Variants in PLXNA4 observed in about 807,000 individuals in gnomAD.
The protein encoded by PLXNA4 is plexin-A4.
In PLXNA4, 44 loss-of-function variants were observed where a neutral mutation model predicts 191.8. The ratio of observed to expected loss-of-function variants is 0.23; its 90% CI spans 0.18 to 0.29. The LOEUF (loss-of-function observed/expected upper bound fraction) is 0.29, where lower values mean the gene tolerates loss of function less well. PLXNA4 is among the 10% of genes least tolerant of loss of function. PLXNA4 has a pLI of 1.00. For missense variants in PLXNA4, 1,800 were observed against 2,488.8 expected, an observed-to-expected ratio of 0.72 and a Z score of 5.89; for synonymous variants, 1,082 against 1,009.5, an observed-to-expected ratio of 1.07 and a Z score of -1.36.
rs1316679645 is a variant in PLXNA4 at position 132,180,726 on chromosome 7, T to A, written c.3499A>T (p.Asn1167Tyr). Residue 1167 changes from asparagine (N) to tyrosine (Y), a missense_variant, in exon 19 of 32, where the codon AAC becomes TAC. Transcript: ENST00000321063. ...PGTPIILKGK[N>Y]LIPPVAGGNV... ...CCCCCAGCCACAGGCGGGATCAGGT[T>A]CTTGCCCTGTACAAATGGGAAAGCA... 15 of 1,613,910 alleles carry A rather than the reference T, an allele frequency of 9.3e-6. No individual in the cohort carries two copies. Among genetic ancestry groups the A allele is most frequent in the Non-Finnish European group, 1.2e-5 (14 of 1,179,898 alleles).
chr7:132,187,655 G>T, intron 14 of PLXNA4, 48 bp from the exon 15 acceptor site: 1 of 1,568,130 alleles, frequency 6.4e-7, no homozygotes. Context: ...AGGGGTGGAG[G>T]AGGCTTCTGG....
intron 2 of PLXNA4, among the ~76,000 whole-genome samples, chr7:132,588,639 G>GGGAAGGGAAGGGAAC (rs1802545863): frequency 1.3e-5 from 1 of 75,360 alleles, no homozygotes; most frequent in Admixed American, 1.2e-4. Context: ...AAGGAAGGAA[G>GGGAAGGGAAGGGAAC]GGAAGGGAAG....
chr7:132,461,185 TACA>T lies in PLXNA4; in HGVS notation c.1371+28104_1371+28106del, dbSNP rs1262433118. On this transcript the variant is annotated intron_variant, in intron 3 of 31. Coordinates refer to ENST00000321063, the MANE Select transcript of PLXNA4 (RefSeq NM_020911.2). ...TGGCTTTGAGGCCACATGGTCTCTG[TACA>T]ACAAGGCTTCCCTAAATAGAAACAA... is the stretch of plus-strand genomic sequence containing the variant. 5.3e-5 allele frequency among the ~76,000 whole-genome samples: 8 copies of T among 152,302 alleles called. 1 individual carries two copies. Among genetic ancestry groups the T allele is most frequent in the Admixed American group, 5.2e-4 (8 of 15,302 alleles).
At chr7:132,322,085 T>C (rs532200065) in intron 3 of PLXNA4, among the ~76,000 whole-genome samples, 37 of 152,086 alleles carry the variant, frequency 2.4e-4, no homozygotes, top group African/African-American at 8.7e-4. Flanking sequence ...CAGAGAAATC[T>C]GGAAATCTTT....
intron 3 of PLXNA4, among the ~76,000 whole-genome samples, chr7:132,391,140 G>A (rs1301727172): frequency 6.6e-6 from 1 of 152,210 alleles, no homozygotes; most frequent in Non-Finnish European, 1.5e-5. Flanking sequence ...CCAGCCAGGA[G>A]GACGGAAGGG....
At chr7:132,449,110 T>C (rs1796022214) in intron 3 of PLXNA4, among the ~76,000 whole-genome samples, 1 of 152,192 alleles carries the variant, frequency 6.6e-6, no homozygotes, top group Non-Finnish European at 1.5e-5. Context: ...AATTAGCTGG[T>C]TGGCTGGCTG....
At chr7:132,430,269 A>C (rs1004088201) in intron 3 of PLXNA4, among the ~76,000 whole-genome samples, 1 of 152,174 alleles carries the variant, frequency 6.6e-6, no homozygotes, top group South Asian at 2.1e-4. Flanking sequence ...TCAAGTCTCT[A>C]TGCGGTTAGT....
At chr7:132,430,785 G>T (rs1299114063) in intron 3 of PLXNA4, among the ~76,000 whole-genome samples, 1 of 152,212 alleles carries the variant, frequency 6.6e-6, no homozygotes, top group Non-Finnish European at 1.5e-5. Context: ...TCTGAGCAAA[G>T]ATGGTTGGGT....
chr7:132,514,244 G>T (rs1039875382), intron 1 of PLXNA4, among the ~76,000 whole-genome samples: 7 of 150,964 alleles, frequency 4.6e-5, no homozygotes, highest in African/African-American at 1.5e-4. Context: ...GTAGAGACGG[G>T]GTTTCACCAT....
At chr7:132,289,451 G>T (rs933510404) in intron 4 of PLXNA4, among the ~76,000 whole-genome samples, 1 of 152,198 alleles carries the variant, frequency 6.6e-6, no homozygotes, top group Admixed American at 6.5e-5. Flanking sequence ...TTTCTTCATG[G>T]TTGTATTCCC....
chr7:132,521,844 T>C (rs1799200724), intron 1 of PLXNA4, among the ~76,000 whole-genome samples: 1 of 152,196 alleles, frequency 6.6e-6, no homozygotes, highest in South Asian at 2.1e-4. Flanking sequence ...CCAGGGCTGC[T>C]GACATAACAG....
intron 3 of PLXNA4, among the ~76,000 whole-genome samples, chr7:132,442,861 T>G (rs886401606): frequency 6.6e-5 from 10 of 152,178 alleles, no homozygotes; most frequent in South Asian, 2.1e-4. Flanking sequence ...GATCAGTTTT[T>G]GGGGCTGGCA....
At chr7:132,133,367 G>T (rs1411490463) in intron 30 of PLXNA4, among the ~76,000 whole-genome samples, 168 bp from the exon 31 acceptor site, 2 of 152,162 alleles carry the variant, frequency 1.3e-5, no homozygotes, top group South Asian at 2.1e-4. Context: ...TCTCATCTGG[G>T]TTGCTGGGTC....
At chr7:132,355,026 G>A (rs1259311676) in intron 3 of PLXNA4, among the ~76,000 whole-genome samples, 2 of 152,204 alleles carry the variant, frequency 1.3e-5, no homozygotes, top group African/African-American at 4.8e-5. Context: ...GTTTCAGGCA[G>A]GACCAAGAGC....
At chr7:132,621,067 A>G (rs1303783725) in intron 2 of PLXNA4, among the ~76,000 whole-genome samples, 1 of 152,100 alleles carries the variant, frequency 6.6e-6, no homozygotes, top group African/African-American at 2.4e-5. Flanking sequence ...CACATCCCAA[A>G]GGCCCTACCA....
intron 25 of PLXNA4, among the ~76,000 whole-genome samples, chr7:132,152,597 C>G (rs1231449582): frequency 1.3e-5 from 2 of 152,186 alleles, no homozygotes; most frequent in African/African-American, 2.4e-5. Flanking sequence ...TCTTTTGAGT[C>G]TCTACCTTGC....
chr7:132,392,437 C>T (rs1447180629), intron 3 of PLXNA4, among the ~76,000 whole-genome samples: 1 of 152,218 alleles, frequency 6.6e-6, no homozygotes, highest in African/African-American at 2.4e-5. Context: ...GACACTGTTT[C>T]TCCCAATCTG....
At chr7:132,328,887 T>A (rs2116683538) in intron 3 of PLXNA4, among the ~76,000 whole-genome samples, 1 of 152,250 alleles carries the variant, frequency 6.6e-6, no homozygotes, top group Non-Finnish European at 1.5e-5. Flanking sequence ...GGAGGGGGTG[T>A]CTTCTCAAGA....
chr7:132,502,478 G>A lies in PLXNA4; in HGVS notation c.1188+5028C>T, dbSNP rs1798296124. Among the ~76,000 whole-genome samples the A allele has an allele frequency of 2.0e-5, 3 of 152,312 alleles. No homozygotes were observed. The Middle Eastern group carries it at 0.01, about 518-fold the overall frequency. On this transcript the variant is annotated intron_variant, in intron 2 of 31. Coordinates refer to ENST00000321063, the MANE Select transcript of PLXNA4 (RefSeq NM_020911.2). ...GTCTAGCAATGGTTCTCAACGAGAGGCTTCTGGAAATGTGAGAGGTTTTCT... is the reference window on the plus strand; with the variant it reads ...GTCTAGCAATGGTTCTCAACGAGAGACTTCTGGAAATGTGAGAGGTTTTCT...
Sources: allele counts gnomAD v4.1 joint callset (sites outside exome capture counted in the v4.1 genomes callset), GRCh38; gene constraint gnomAD v4.1.1; transcripts MANE v1.5; gene names NCBI Gene and HGNC (gene_info 2026-07-23, HGNC 2026-07-21).